PPM1F: variants seen among roughly 807,000 people sequenced by gnomAD.
The protein encoded by PPM1F is protein phosphatase, Mg2+/Mn2+ dependent 1F.
Under a neutral mutation model 35.5 loss-of-function variants are expected in PPM1F, and 17 were observed. The observed-to-expected ratio is 0.48, with a 90% CI of 0.33 to 0.72. The LOEUF (loss-of-function observed/expected upper bound fraction) is 0.72, where lower values mean the gene tolerates loss of function less well. Among genes scored for constraint, PPM1F ranks in the 30% least tolerant of loss-of-function variants. The pLI is 0.02. For missense variants in PPM1F, 521 were observed against 613.0 expected (o/e 0.85, Z 1.59); for synonymous variants, 241 against 255.5 (o/e 0.94, Z 0.54).
At chr22:21,948,773 A>G (rs2070805092) in intron 1 of PPM1F, 1 of 152,332 alleles carries the variant, frequency 6.6e-6, no homozygotes, top group African/African-American at 2.4e-5. Context: ...GTGAGAGGAC[A>G]GCATGCTCCC....
In PPM1F at chr22:21,927,950, T is replaced by TG. The variant is rs2070539131; in HGVS notation, c.892-2289_892-2288insC. 4.8e-3 allele frequency among the ~76,000 whole-genome samples: 366 copies of TG among 76,180 alleles called. 3 individuals are homozygous for TG. Among genetic ancestry groups the TG allele is most frequent in the African/African-American group, 0.015 (349 of 23,478 alleles). The allele number at this position is 76,180 out of a possible 152,430, so 50.0% of individuals were successfully genotyped here. On this transcript the variant is annotated intron_variant, in intron 6 of 7. Coordinates refer to ENST00000263212, the MANE Select transcript of PPM1F (RefSeq NM_014634.4). ...ATTCTGTTTTTTGTTTTGTTTTTTT[T>TG]TTTTTTTTTTTTTTTTTTTTGGAGA...
intron 7 of PPM1F, among the ~76,000 whole-genome samples, chr22:21,923,748 G>A (rs2070476903): frequency 6.6e-6 from 1 of 151,986 alleles, no homozygotes; most frequent in African/African-American, 2.4e-5. Flanking sequence ...CGCGATCTCA[G>A]CTCACTGCAA....
chr22:21,933,385 C>A lies in PPM1F; in HGVS notation c.747+6G>T. On this transcript the variant is annotated splice_donor_region_variant and intron_variant, in intron 5 of 7. Coordinates refer to ENST00000263212, the MANE Select transcript of PPM1F (RefSeq NM_014634.4). ...CTGCACCTGAGGCCCAGCGGCCAGT[C>A]CTCACCTCTCGCTTGGCTTTCCTGA... is the stretch of plus-strand genomic sequence containing the variant. 6.2e-7 allele frequency: 1 copy of A among 1,603,550 alleles called. No individual in the cohort carries two copies. Among genetic ancestry groups the A allele is most frequent in the South Asian group, 1.1e-5 (1 of 90,922 alleles).
At chr22:21,936,088 G>C (rs1280864020) in intron 3 of PPM1F, 10 of 152,190 alleles carry the variant, frequency 6.6e-5, no homozygotes, top group Non-Finnish European at 2.9e-5. Flanking sequence ...AGGATCCCTT[G>C]AGCCAAGGAC....
chr22:21,949,665 G>A (rs951597334), intron 1 of PPM1F: 1 of 152,324 alleles, frequency 6.6e-6, no homozygotes, highest in Non-Finnish European at 1.5e-5. Context: ...GAAAAACTCC[G>A]AATAAGAGGG....
At chr22:21,948,315 C>A (rs1438553715) in intron 1 of PPM1F, 2 of 133,730 alleles carry the variant, frequency 1.5e-5, no homozygotes, top group East Asian at 2.4e-4. Flanking sequence ...CCCCCCCACC[C>A]CCCATCTCTA....
chr22:21,939,313 C>T lies in PPM1F; in HGVS notation c.355+219G>A, dbSNP rs1025430372. ...GTGTCTGCACCACCCACCCCTGCCT[C>T]GTGGGCTGACTGGGAACTATATGAC... is the stretch of plus-strand genomic sequence containing the variant. On this transcript the variant is annotated intron_variant, in intron 3 of 7. Transcript: ENST00000263212. The surrounding 1 kb of genome is among the most constrained non-coding windows in gnomAD (Gnocchi z 5.1). 5.6e-5 allele frequency: 34 copies of T among 605,072 alleles called. No individual in the cohort carries two copies. Among genetic ancestry groups the T allele is most frequent in the African/African-American group, 5.2e-4 (28 of 53,772 alleles). 37.5% of individuals were successfully genotyped at this position (605,072 alleles called of 1,614,324 possible). A position where few individuals can be genotyped will look rare whatever the true frequency, so the allele number is the denominator to read the frequency against.
chr22:21,929,442 C>T (rs186696980), intron 6 of PPM1F, among the ~76,000 whole-genome samples: 136 of 152,330 alleles, frequency 8.9e-4, no homozygotes, highest in African/African-American at 3.0e-3. Context: ...GCGGTGGAGC[C>T]GGGACCAGGC....
At chr22:21,947,607 C>G (rs2145809054) in intron 1 of PPM1F, 1 of 152,330 alleles carries the variant, frequency 6.6e-6, no homozygotes, top group East Asian at 1.9e-4. Flanking sequence ...TTTCACAGCC[C>G]ATCACCTTCA....
At chr22:21,934,333 T>G (rs902896214) in intron 3 of PPM1F, 107 bp from the exon 4 acceptor site, 5 of 855,236 alleles carry the variant, frequency 5.8e-6, no homozygotes, top group Non-Finnish European at 5.4e-6. Context: ...CCCCATCACC[T>G]CCCGGGGCAT....
In PPM1F at chr22:21,939,520, A is replaced by C. The variant is rs1350230537; in HGVS notation, c.355+12T>G. On this transcript the variant is annotated intron_variant, in intron 3 of 7. Coordinates refer to ENST00000263212, the MANE Select transcript of PPM1F (RefSeq NM_014634.4). The surrounding 1 kb of genome is among the most constrained non-coding windows in gnomAD (Gnocchi z 5.1). The stretch of plus-strand genomic sequence containing the variant: ...GCAGCCCTGGGGCCACCTCAGAAGA[A>C]ACAGAACTCACAGGTCACAGGGGCC... 4 of 1,604,220 alleles carry C rather than the reference A, an allele frequency of 2.5e-6. No individual in the cohort carries two copies. Among genetic ancestry groups the C allele is most frequent in the South Asian group, 2.2e-5 (2 of 89,414 alleles).
intron 7 of PPM1F, among the ~76,000 whole-genome samples, chr22:21,924,562 C>T (rs142330161): frequency 0.016 from 2,135 of 135,562 alleles, 65 homozygotes; most frequent in African/African-American, 0.056. Context: ...TGAGCCACCG[C>T]GCCCAGCTAC....
intron 6 of PPM1F, chr22:21,926,132 C>CT (rs917204354): frequency 0.26 from 33,528 of 131,394 alleles, 4,667 homozygotes; most frequent in Middle Eastern, 0.35. Context: ...CCGCCCAGTT[C>CT]TTTTTTTTTT....
chr22:21,930,230 T>C (rs2070572926), intron 6 of PPM1F, among the ~76,000 whole-genome samples: 1 of 152,164 alleles, frequency 6.6e-6, no homozygotes, highest in African/African-American at 2.4e-5. Flanking sequence ...TGTGGGGAAA[T>C]GGACCTTCTT....
intron 4 of PPM1F, 33 bp from the exon 5 acceptor site, chr22:21,933,612 C>T (rs778027980): frequency 1.5e-5 from 23 of 1,586,084 alleles, no homozygotes; most frequent in Middle Eastern, 1.7e-4. Flanking sequence ...CACAGACCCG[C>T]GGGACCCAGG....
At chr22:21,940,895 G>A (rs2070718071) in intron 2 of PPM1F, among the ~76,000 whole-genome samples, 1 of 152,180 alleles carries the variant, frequency 6.6e-6, no homozygotes, top group Non-Finnish European at 1.5e-5. Flanking sequence ...CCATTGGTCT[G>A]TGTTTTATTT....
chr22:21,925,490 T>A, intron 7 of PPM1F, 79 bp downstream of exon 7: 1 of 1,262,478 alleles, frequency 7.9e-7, no homozygotes, highest in African/African-American at 1.5e-5. Flanking sequence ...CCTGAACCCC[T>A]GGTGAGCCGC....
In PPM1F at chr22:21,931,169, C is replaced by T; in HGVS notation, c.870G>A (p.Glu290=). ...TTACCTGCCGTTCTGGTCTGTGTGG[C>T]TCCATCAGCTTCACCACCTGTCCCT... ...VQQGQVVKLM[E]PHRPERQDEK... is the part of the protein sequence containing the mutation. The change falls in exon 6 of 8, where the codon GAG becomes GAA. Residue 290 remains glutamate (E), a synonymous_variant. Transcript: ENST00000263212. 6 of 1,614,244 alleles carry T rather than the reference C, an allele frequency of 3.7e-6. No individual in the cohort carries two copies. The highest frequency in any genetic ancestry group is 5.1e-6 in the Non-Finnish European group (6 of 1,180,034).
chr22:21,938,340 C>G (rs2070685780), intron 3 of PPM1F: 3 of 1,192,280 alleles, frequency 2.5e-6, no homozygotes, highest in Non-Finnish European at 2.1e-6. Context: ...CCTGCTGGCT[C>G]GGCCGAGAAC....
Sources: gnomAD v4.1 joint callset for allele counts (sites outside exome capture counted in the v4.1 genomes callset) on GRCh38, gnomAD v4.1.1 for gene constraint, Gnocchi (gnomAD v3.1) non-coding constraint, MANE v1.5 for transcripts, NCBI Gene and HGNC (gene_info 2026-07-23, HGNC 2026-07-21) for gene names.